RBM47: variants seen among roughly 807,000 people sequenced by gnomAD.
The protein encoded by RBM47 is RNA binding motif protein 47.
RBM47 carries 21 observed loss-of-function variants against 47.1 expected under a neutral mutation model. The observed-to-expected ratio is 0.45, with a 90% CI of 0.32 to 0.64. The LOEUF is 0.64. Ranked by LOEUF, RBM47 falls within the 30% of genes least tolerant of loss-of-function variation. The pLI is 0.05. For missense variants in RBM47, 708 were observed against 870.9 expected, an observed-to-expected ratio of 0.81 and a Z score of 2.35; for synonymous variants, 375 against 361.7, an observed-to-expected ratio of 1.04 and a Z score of -0.42.
At chr4:40,437,084 A>C in intron 4 of RBM47, among the ~76,000 whole-genome samples, 1 of 59,878 alleles carries the variant, frequency 1.7e-5, no homozygotes, top group South Asian at 5.4e-4. Context: ...AAAAAAAAAA[A>C]AAAAAAATAT....
intron 1 of RBM47, among the ~76,000 whole-genome samples, chr4:40,587,571 C>G (rs6848822): frequency 0.027 from 4,143 of 152,288 alleles, 196 homozygotes; most frequent in African/African-American, 0.09. Context: ...GCATGTTTTG[C>G]AGTTTAACTT....
At chr4:40,545,379 A>G (rs966075549) in intron 1 of RBM47, among the ~76,000 whole-genome samples, 7 of 144,304 alleles carry the variant, frequency 4.9e-5, no homozygotes, top group Admixed American at 4.1e-4. Context: ...AGAGAGAGAG[A>G]GAGGCCAGGC....
chr4:40,459,662 TG>T (rs1282236409), intron 3 of RBM47, among the ~76,000 whole-genome samples: 1 of 152,226 alleles, frequency 6.6e-6, no homozygotes, highest in Non-Finnish European at 1.5e-5. Context: ...TACTATCTGG[TG>T]GTATTTCTGC....
In RBM47 at chr4:40,434,002, G is replaced by GT. The variant is rs1711831434; in HGVS notation, c.1331-1141_1331-1140insA. Among the ~76,000 whole-genome samples the GT allele has an allele frequency of 3.1e-4, 14 of 45,708 alleles. 4 individuals are homozygous for GT. The highest frequency in any genetic ancestry group is 1.6e-3 in the East Asian group (3 of 1,888). 30.0% of individuals were successfully genotyped at this position (45,708 alleles called of 152,430 possible). A position where few individuals can be genotyped will look rare whatever the true frequency, so the allele number is the denominator to read the frequency against. Reference sequence around the variant, plus strand: ...TGTGAGTGTGTGTGTGTGGGGCGGGGGTGTGTGTGTGTGTGTGTGTGTGTG... The same window carrying GT: ...TGTGAGTGTGTGTGTGTGGGGCGGGGTGTGTGTGTGTGTGTGTGTGTGTGTG... On this transcript the variant is annotated intron_variant, in intron 5 of 6. Coordinates refer to ENST00000295971, the MANE Select transcript of RBM47 (RefSeq NM_001098634.2).
rs1343204461 is a variant in RBM47, at chr4:40,438,252, G to C, written c.642C>G (p.Leu214=). The change falls in exon 4 of 7, where the codon CTC becomes CTG. Residue 214 remains leucine, a synonymous_variant. Transcript: ENST00000295971. ...HRAAAMARRK[L]MPGRIQLWGH... ...CCCACAGCTGGATGCGGCCAGGCAT[G>C]AGCTTGCGGCGAGCCATGGCAGCCG... The C allele has an allele frequency of 1.2e-6, 2 of 1,604,352 alleles. No individual in the cohort carries two copies. Among genetic ancestry groups the C allele is most frequent in the East Asian group, 2.2e-5 (1 of 44,876 alleles).
chr4:40,539,362 G>C (rs949210297), intron 2 of RBM47, among the ~76,000 whole-genome samples: 1 of 152,038 alleles, frequency 6.6e-6, no homozygotes, highest in Admixed American at 6.6e-5. Context: ...CCCTCATATG[G>C]ACCACATGAG....
At chr4:40,567,258 G>C (rs1343278155) in intron 1 of RBM47, among the ~76,000 whole-genome samples, 1 of 151,910 alleles carries the variant, frequency 6.6e-6, no homozygotes, top group South Asian at 2.1e-4. Context: ...GGAAAGTTAC[G>C]TAAGTGGCTG....
intron 1 of RBM47, among the ~76,000 whole-genome samples, chr4:40,583,940 G>T (rs1244454845): frequency 6.6e-6 from 1 of 151,684 alleles, no homozygotes. Context: ...TTATAACATG[G>T]AATTTGTTTA....
At chr4:40,509,160 A>AAAATAAATAAATAAATAAATAAAT (rs139292597) in intron 2 of RBM47, among the ~76,000 whole-genome samples, 4 of 146,382 alleles carry the variant, frequency 2.7e-5, no homozygotes, top group African/African-American at 5.1e-5. Context: ...CCTCCATCTC[A>AAAATAAATAAATAAATAAATAAAT]AAATAAATAA....
Position 40,437,157 on chromosome 4 carries a change from C to CAT in RBM47, c.1124-512_1124-511dup, listed in dbSNP as rs373275153. Among the ~76,000 whole-genome samples, 67 of 67,104 alleles carry CAT rather than the reference C, an allele frequency of 1.0e-3. 3 individuals carry two copies. Among genetic ancestry groups the CAT allele is most frequent in the Middle Eastern group, 9.4e-3 (1 of 106 alleles). 44.0% of individuals were successfully genotyped at this position (67,104 alleles called of 152,430 possible). The stretch of plus-strand genomic sequence containing the variant: ...AAAATACATATATATATATAAAATA[C>CAT]ATATATATATATATAATACATATAT... On this transcript the variant is annotated intron_variant, in intron 4 of 6. Coordinates refer to ENST00000295971, the MANE Select transcript of RBM47 (RefSeq NM_001098634.2).
chr4:40,456,469 T>C lies in RBM47; in HGVS notation c.-32+10108A>G, dbSNP rs140347592. 7.2e-4 allele frequency among the ~76,000 whole-genome samples: 109 copies of C among 152,118 alleles called. No individual in the cohort carries two copies. The East Asian group carries it at 0.019, about 27-fold the overall frequency. On this transcript the variant is annotated intron_variant, in intron 3 of 6. Coordinates refer to ENST00000295971, the MANE Select transcript of RBM47 (RefSeq NM_001098634.2). ...ATTCAAGTTACTGAGAATTTATAGATATATATTTCCTGTACATACTATTCC... is the reference window on the plus strand; with the variant it reads ...ATTCAAGTTACTGAGAATTTATAGACATATATTTCCTGTACATACTATTCC...
In RBM47 at chr4:40,437,932, T is replaced by G; in HGVS notation, c.962A>C (p.Lys321Thr). The part of the protein sequence containing the change: ...LEVTLAKPVD[K>T]EQYSRYQKAA... ...CTTCTGGTAGCGCGAGTACTGCTCC[T>G]TGTCCACGGGCTTGGCCAGCGTGAC... The change falls in exon 4 of 7, where the codon AAG (lysine) becomes ACG (threonine). Residue 321 changes from lysine to threonine, a missense_variant. Coordinates refer to ENST00000295971, the MANE Select transcript of RBM47 (RefSeq NM_001098634.2). The G allele has an allele frequency of 6.2e-7, 1 of 1,613,774 alleles. No individual in the cohort carries two copies.
chr4:40,452,836 C>T (rs1253983991), intron 3 of RBM47, among the ~76,000 whole-genome samples: 2 of 135,582 alleles, frequency 1.5e-5, no homozygotes, highest in East Asian at 2.0e-4. Flanking sequence ...ACTGTGATTT[C>T]CTTCTTTTTT....
intron 3 of RBM47, among the ~76,000 whole-genome samples, chr4:40,448,731 C>T (rs1714938162): frequency 6.6e-6 from 1 of 152,094 alleles, no homozygotes; most frequent in African/African-American, 2.4e-5. Context: ...TGACATTTGG[C>T]AATGTGTGGC....
chr4:40,523,790 G>C (rs533124846), intron 2 of RBM47, among the ~76,000 whole-genome samples: 2 of 151,766 alleles, frequency 1.3e-5, no homozygotes, highest in Non-Finnish European at 2.9e-5. Context: ...ACCTGAGCCT[G>C]GGAGGTTGAA....
intron 4 of RBM47, 24 bp from the exon 5 acceptor site, chr4:40,436,671 G>T (rs1188787243): frequency 1.2e-6 from 2 of 1,610,196 alleles, no homozygotes; most frequent in South Asian, 1.1e-5. Context: ...CACAAAAGAT[G>T]ATCAGCAACC....
chr4:40,596,835 A>T (rs912559068), intron 1 of RBM47, among the ~76,000 whole-genome samples: 7 of 152,180 alleles, frequency 4.6e-5, no homozygotes, highest in African/African-American at 1.7e-4. Context: ...GTTGAGGGGC[A>T]CGAGGGGCTT....
In RBM47 at chr4:40,423,518, G is replaced by C. The variant is rs1474841997; in HGVS notation, c.*2386C>G. On this transcript the variant is annotated 3_prime_UTR_variant, in exon 7 of 7. Transcript: ENST00000295971. Reference sequence around the variant, plus strand: ...CTTACCTCAGTAGTGTACATGAAATGGTTTTGAAACAATAGGAACAGATAA... The same window carrying C: ...CTTACCTCAGTAGTGTACATGAAATCGTTTTGAAACAATAGGAACAGATAA... 1 of 151,742 alleles carries C rather than the reference G, an allele frequency of 6.6e-6. No homozygotes were observed. The highest frequency in any genetic ancestry group is 1.5e-5 in the Non-Finnish European group (1 of 67,946). 9.4% of individuals were successfully genotyped at this position (151,742 alleles called of 1,614,324 possible).
chr4:40,593,012 T>G (rs1734389474), intron 1 of RBM47, among the ~76,000 whole-genome samples: 1 of 82,800 alleles, frequency 1.2e-5, no homozygotes. Flanking sequence ...TTTTTTTTTT[T>G]TGAGACGGAG....
Sources: allele counts gnomAD v4.1 joint callset (sites outside exome capture counted in the v4.1 genomes callset), GRCh38; gene constraint gnomAD v4.1.1; transcripts MANE v1.5; gene names NCBI Gene and HGNC (gene_info 2026-07-23, HGNC 2026-07-21).